PXDN: variants seen among roughly 807,000 people sequenced by gnomAD.
PXDN encodes peroxidasin.
In PXDN, 77 loss-of-function variants were observed where a neutral mutation model predicts 140.3. That is an observed-to-expected ratio of 0.55 (90% CI 0.46 to 0.66). The LOEUF (loss-of-function observed/expected upper bound fraction) is 0.66, where lower values mean the gene tolerates loss of function less well. Among genes scored for constraint, PXDN ranks in the 30% least tolerant of loss-of-function variants. The pLI is 0.00. For missense variants in PXDN, 1,838 were observed against 2,039.5 expected (o/e 0.90, Z 1.90); for synonymous variants, 911 against 857.4 (o/e 1.06, Z -1.09).
At chr2:1,655,714 C>A (rs1366423085) in intron 14 of PXDN, among the ~76,000 whole-genome samples, 1 of 138,096 alleles carries the variant, frequency 7.2e-6, no homozygotes, top group African/African-American at 2.7e-5. Flanking sequence ...AACCTGCCCC[C>A]TCCTGACTGA....
chr2:1,648,790 C>A lies in PXDN; in HGVS notation c.2990G>T (p.Arg997Leu), dbSNP rs776719652. 6.2e-7 allele frequency: 1 copy of A among 1,602,782 alleles called. No individual in the cohort carries two copies. Among genetic ancestry groups the A allele is most frequent in the Non-Finnish European group, 8.5e-7 (1 of 1,175,708 alleles). The part of the protein sequence containing the change: ...MHTLWFREHN[R>L]IATELLKLNP... ...CAGCTTGAGCAGCTCCGTGGCAATG[C>A]GGTTGTGCTCGCGGAACCACAGCGT... Residue 997 changes from arginine (R) to leucine (L), a missense_variant, in exon 17 of 23, where the codon CGC (arginine) becomes CTC (leucine). By Grantham distance (102) the Arg-to-Leu change is moderately radical. This residue lies in a region of PXDN where 850 missense variants were observed against 894.1 expected (regional missense o/e 0.95). Transcript: ENST00000252804. This position sits in a 1 kb window ranked among gnomAD's most constrained non-coding sequence, Gnocchi z 8.9.
intron 1 of PXDN, among the ~76,000 whole-genome samples, chr2:1,742,745 C>T (rs1284201260): frequency 1.3e-5 from 2 of 152,190 alleles, no homozygotes; most frequent in Non-Finnish European, 2.9e-5. Context: ...GTCGTCCGGC[C>T]TGGGCTGACC....
intron 1 of PXDN, among the ~76,000 whole-genome samples, chr2:1,728,153 G>T (rs1157151776): frequency 6.6e-6 from 1 of 152,192 alleles, no homozygotes; most frequent in Admixed American, 6.5e-5. Flanking sequence ...GCCCAGGCTG[G>T]TCTCTAAATC....
intron 14 of PXDN, among the ~76,000 whole-genome samples, chr2:1,656,561 A>G (rs1392797338): frequency 1.6e-5 from 2 of 121,668 alleles, no homozygotes; most frequent in African/African-American, 3.3e-5. Flanking sequence ...GAAACCTGCC[A>G]CTTCCTGACA....
chr2:1,679,761 T>C (rs867308274), intron 7 of PXDN, among the ~76,000 whole-genome samples: 118 of 148,722 alleles, frequency 7.9e-4, no homozygotes, highest in African/African-American at 2.9e-3. Context: ...TGCGTGTGTG[T>C]GGTTTGTATC....
At chr2:1,693,174 A>G in intron 1 of PXDN, 40 bp from the exon 2 acceptor site, 1 of 1,440,412 alleles carries the variant, frequency 6.9e-7, no homozygotes, top group Non-Finnish European at 9.5e-7. Context: ...GTGAAAAAAA[A>G]TCTACAAACA....
intron 9 of PXDN, among the ~76,000 whole-genome samples, chr2:1,671,323 G>T (rs534104918): frequency 1.3e-5 from 2 of 151,960 alleles, no homozygotes; most frequent in Non-Finnish European, 2.9e-5. Flanking sequence ...AAACAGTTCA[G>T]AATAAGAGCT....
intron 1 of PXDN, among the ~76,000 whole-genome samples, chr2:1,716,763 T>C (rs1171746025): frequency 2.0e-5 from 3 of 152,052 alleles, no homozygotes; most frequent in Middle Eastern, 3.2e-3. Context: ...TCTCCATCAG[T>C]ACAGGGGTAA....
At chr2:1,716,523 A>G (rs1419601527) in intron 1 of PXDN, among the ~76,000 whole-genome samples, 1 of 151,300 alleles carries the variant, frequency 6.6e-6, no homozygotes, top group Non-Finnish European at 1.5e-5. Flanking sequence ...ACTGGATATA[A>G]GAGGTGTACA....
Position 1,649,450 on chromosome 2 carries a change from G to C in PXDN, c.2330C>G (p.Thr777Ser). The C allele has an allele frequency of 6.2e-7, 1 of 1,613,992 alleles. No individual in the cohort carries two copies. Among genetic ancestry groups the C allele is most frequent in the Non-Finnish European group, 8.5e-7 (1 of 1,179,894 alleles). Residue 777 changes from threonine to serine, a missense_variant, in exon 17 of 23, where the codon ACC (threonine) becomes AGC (serine). Around this residue, in one of 5 missense-constraint regions of PXDN, gnomAD observed 537 missense variants for 583.9 expected, o/e 0.92. Transcript: ENST00000252804. This position sits in a 1 kb window ranked among gnomAD's most constrained non-coding sequence, Gnocchi z 7.1. ...TCGGTGGGGGTTGATGCCCCGAGGG[G>C]TGTTGAAGCCATTCTCGTACACGGA... ...LKSVYENGFN[T>S]PRGINPHRLY...
chr2:1,737,582 C>G (rs1301409959), intron 1 of PXDN, among the ~76,000 whole-genome samples: 2 of 151,760 alleles, frequency 1.3e-5, no homozygotes, highest in East Asian at 3.9e-4. Context: ...CTCTGTCCCC[C>G]AAGCTGGAGT....
chr2:1,648,504 T>C lies in PXDN; in HGVS notation c.3276A>G (p.Ala1092=), dbSNP rs1465481205. 5 of 1,612,628 alleles carry C rather than the reference T, an allele frequency of 3.1e-6. No individual in the cohort carries two copies. The highest frequency in any genetic ancestry group is 2.2e-5 in the East Asian group (1 of 44,868). ...CTTTGTGAAGGGGGAGGTGATCTTG[T>C]GCAATGGGCTGGAAGTTCTCGTCCA... ...YRLDENFQPI[A]QDHLPLHKAF... is the part of the protein sequence containing the mutation. The change falls in exon 17 of 23, where the codon GCA becomes GCG. Residue 1092 remains alanine, a synonymous_variant. Transcript: ENST00000252804. The surrounding 1 kb of genome is among the most constrained non-coding windows in gnomAD (Gnocchi z 8.9).
intron 6 of PXDN, among the ~76,000 whole-genome samples, chr2:1,681,010 G>A (rs777598683): frequency 6.6e-6 from 1 of 152,228 alleles, no homozygotes; most frequent in Admixed American, 6.5e-5. Context: ...CTCCGCACAC[G>A]GGGAAGAAGT....
chr2:1,670,564 T>TA (rs968830129), intron 9 of PXDN, among the ~76,000 whole-genome samples: 7 of 152,168 alleles, frequency 4.6e-5, no homozygotes, highest in African/African-American at 1.7e-4. Context: ...GTATAAATTA[T>TA]AAAAAATACA....
chr2:1,647,772 C>T (rs1682884801), intron 17 of PXDN, among the ~76,000 whole-genome samples: 1 of 152,234 alleles, frequency 6.6e-6, no homozygotes, highest in African/African-American at 2.4e-5. Flanking sequence ...GATACAACAG[C>T]AGGAACCCGA....
intron 17 of PXDN, among the ~76,000 whole-genome samples, chr2:1,647,769 C>T (rs552294589): frequency 5.4e-4 from 82 of 152,356 alleles, no homozygotes; most frequent in African/African-American, 1.9e-3. Flanking sequence ...CCTGATACAA[C>T]AGCAGGAACC....
chr2:1,647,550 T>C (rs892487980), intron 17 of PXDN, among the ~76,000 whole-genome samples: 1 of 152,228 alleles, frequency 6.6e-6, no homozygotes, highest in African/African-American at 2.4e-5. Context: ...CATTTTGCCT[T>C]TGTGGCAGAA....
chr2:1,649,188 G>T lies in PXDN; in HGVS notation c.2592C>A (p.Pro864=). ...DPPCFSVMIP[P]NDSRARSGAR... ...CCCCGCTCCTGGCCCGGGAGTCATT[G>T]GGGGGGATCATGACAGAGAAGCAGG... Residue 864 remains proline (P), a synonymous_variant, in exon 17 of 23, where the codon CCC becomes CCA. Coordinates refer to ENST00000252804, the MANE Select transcript of PXDN (RefSeq NM_012293.3). This position sits in a 1 kb window ranked among gnomAD's most constrained non-coding sequence, Gnocchi z 7.1. 6.2e-7 allele frequency: 1 copy of T among 1,611,720 alleles called. No individual in the cohort carries two copies. Among genetic ancestry groups the T allele is most frequent in the Non-Finnish European group, 8.5e-7 (1 of 1,179,450 alleles).
intron 1 of PXDN, among the ~76,000 whole-genome samples, chr2:1,739,735 G>A (rs1685497514): frequency 6.6e-6 from 1 of 152,112 alleles, no homozygotes; most frequent in South Asian, 2.1e-4. Context: ...TCCTCTTCTG[G>A]CCACAGAACA....
Sources: gnomAD v4.1 joint callset for allele counts (sites outside exome capture counted in the v4.1 genomes callset) on GRCh38, gnomAD v4.1.1 for gene constraint, gnomAD v4.1.1 regional missense constraint, Gnocchi (gnomAD v3.1) non-coding constraint, MANE v1.5 for transcripts, NCBI Gene and HGNC (gene_info 2026-07-23, HGNC 2026-07-21) for gene names.